The following PICALM variants were observed in gnomAD, a reference collection of about 807,000 sequenced individuals.
PICALM encodes the protein phosphatidylinositol-binding clathrin assembly protein.
PICALM carries 40 observed loss-of-function variants against 80.5 expected under a neutral mutation model. The observed-to-expected ratio is 0.50, with a 90% CI of 0.39 to 0.65. The LOEUF (loss-of-function observed/expected upper bound fraction) is 0.65. Ranked by LOEUF, PICALM falls within the 30% of genes least tolerant of loss-of-function variation. PICALM has a pLI of 0.00. For missense variants in PICALM, 676 were observed against 778.9 expected (o/e 0.87, Z 1.57); for synonymous variants, 288 against 260.3 (o/e 1.11, Z -1.02).
rs756016326 is a variant in PICALM at position 85,958,597 on chromosome 11, A to C, written c.*449T>G. The C allele has an allele frequency of 2.2e-5, 5 of 225,406 alleles. No individual in the cohort carries two copies. Among genetic ancestry groups the C allele is most frequent in the Non-Finnish European group, 3.5e-5 (4 of 113,440 alleles). The allele number at this position is 225,406 out of a possible 1,614,324, so 14.0% of individuals were successfully genotyped here. ...AGTTATTGTTTCTGTATTTGTGAGGACTGGAGAAAAGAAAGATAATGCATA... is the reference window on the plus strand; with the variant it reads ...AGTTATTGTTTCTGTATTTGTGAGGCCTGGAGAAAAGAAAGATAATGCATA... On this transcript the variant is annotated 3_prime_UTR_variant, in exon 20 of 20. Transcript: ENST00000393346.
At chr11:86,052,439 CCTTT>C (rs1325424629) in intron 1 of PICALM, among the ~76,000 whole-genome samples, 15 of 152,104 alleles carry the variant, frequency 9.9e-5, no homozygotes, top group Admixed American at 3.3e-4. Context: ...CTGAAAGTTT[CCTTT>C]CTTTTATAAA....
intron 12 of PICALM, among the ~76,000 whole-genome samples, chr11:85,991,583 A>T (rs1391769391): frequency 6.6e-6 from 1 of 152,294 alleles, no homozygotes; most frequent in African/African-American, 2.4e-5. Flanking sequence ...TTATGATTTT[A>T]AAAACAACAC....
intron 8 of PICALM, among the ~76,000 whole-genome samples, chr11:86,005,425 C>G (rs1352889634): frequency 6.6e-6 from 1 of 152,050 alleles, no homozygotes; most frequent in African/African-American, 2.4e-5. Context: ...GGAGGCTGGG[C>G]ACAGTGACTC....
rs1378955668 is a variant in PICALM, at chr11:85,976,528, G to C, written c.1839+95C>G. On this transcript the variant is annotated intron_variant, in intron 18 of 19. Coordinates refer to ENST00000393346, the MANE Select transcript of PICALM (RefSeq NM_007166.4). ...TAGGCACTAGGGCTAGGAGTATGAG[G>C]AGCACTAAATTCTTTTTTAGGTTAA... is the stretch of plus-strand genomic sequence containing the variant. The C allele has an allele frequency of 1.1e-5, 8 of 753,140 alleles. No individual in the cohort carries two copies. In the East Asian group the frequency reaches 1.9e-4, roughly 17 times the overall value. The allele number at this position is 753,140 out of a possible 1,614,324, so 46.7% of individuals were successfully genotyped here.
intron 19 of PICALM, among the ~76,000 whole-genome samples, chr11:85,973,328 AGT>A (rs2094169578): frequency 6.6e-6 from 1 of 152,208 alleles, no homozygotes; most frequent in African/African-American, 2.4e-5. Flanking sequence ...TATGAAATAC[AGT>A]CCACTATTTC....
intron 17 of PICALM, among the ~76,000 whole-genome samples, chr11:85,979,197 C>G (rs2135657996): frequency 6.6e-6 from 1 of 152,138 alleles, no homozygotes; most frequent in Non-Finnish European, 1.5e-5. Flanking sequence ...GTTTTAAAAT[C>G]AGTGATGATA....
At chr11:85,971,992 A>G (rs1274071841) in intron 19 of PICALM, among the ~76,000 whole-genome samples, 1 of 152,080 alleles carries the variant, frequency 6.6e-6, no homozygotes, top group East Asian at 1.9e-4. Context: ...CATGTTGGCC[A>G]GGCTGGTCTT....
intron 19 of PICALM, among the ~76,000 whole-genome samples, chr11:85,971,151 GCTT>G (rs2094099318): frequency 6.6e-6 from 1 of 152,148 alleles, no homozygotes; most frequent in African/African-American, 2.4e-5. Context: ...AGAGACCAAA[GCTT>G]CTTCAAGCCA....
Position 85,958,933 on chromosome 11 carries a change from G to C in PICALM, c.*113C>G. Reference sequence around the variant, plus strand: ...CTGAGTTACTTGTAGCATTCTAATGGAAGAAGAGAGTTTAAGAGATTTAAG... The same window carrying C: ...CTGAGTTACTTGTAGCATTCTAATGCAAGAAGAGAGTTTAAGAGATTTAAG... On this transcript the variant is annotated 3_prime_UTR_variant, in exon 20 of 20. Transcript: ENST00000393346. 1.4e-6 allele frequency: 1 copy of C among 711,664 alleles called. No individual in the cohort carries two copies. Among genetic ancestry groups the C allele is most frequent in the East Asian group, 2.6e-5 (1 of 39,088 alleles). 44.1% of individuals were successfully genotyped at this position (711,664 alleles called of 1,614,324 possible). A position where few individuals can be genotyped will look rare whatever the true frequency, so the allele number is the denominator to read the frequency against.
At chr11:85,982,753 T>A (rs562487576) in intron 14 of PICALM, among the ~76,000 whole-genome samples, 6 of 152,142 alleles carry the variant, frequency 3.9e-5, no homozygotes, top group Non-Finnish European at 7.4e-5. Flanking sequence ...AAGCAGAGAA[T>A]GTAAGAGTGA....
At chr11:86,049,102 G>A (rs2096130595) in intron 1 of PICALM, among the ~76,000 whole-genome samples, 1 of 152,068 alleles carries the variant, frequency 6.6e-6, no homozygotes, top group Admixed American at 6.5e-5. Context: ...AGACCAGCCT[G>A]ACCAACATGG....
At chr11:85,968,601 G>A (rs1441037210) in intron 19 of PICALM, among the ~76,000 whole-genome samples, 1 of 152,120 alleles carries the variant, frequency 6.6e-6, no homozygotes, top group Non-Finnish European at 1.5e-5. Flanking sequence ...TAACATAATA[G>A]CTGTATATTG....
At chr11:86,002,773 G>A (rs2095178071) in intron 9 of PICALM, among the ~76,000 whole-genome samples, 4 of 152,174 alleles carry the variant, frequency 2.6e-5, no homozygotes, top group Admixed American at 2.6e-4. Context: ...AGCACTTTGG[G>A]AGGCTGAGGT....
In PICALM at chr11:86,000,733, G is replaced by C; in HGVS notation, c.1064C>G (p.Thr355Arg). 1 of 1,612,974 alleles carries C rather than the reference G, an allele frequency of 6.2e-7. No individual in the cohort carries two copies. Among genetic ancestry groups the C allele is most frequent in the Non-Finnish European group, 8.5e-7 (1 of 1,179,768 alleles). The stretch of plus-strand genomic sequence containing the variant: ...GGTGGATACAGGAGAGGCTGCAGTT[G>C]TTAAAGAGGTATGAGGTTTCTTTGC... ...ELAKKPHTSL[T>R]TAASPVSTSA... The change falls in exon 11 of 20, where the codon ACA (threonine) becomes AGA (arginine). Residue 355 changes from threonine to arginine, a missense_variant. Physicochemically the swap from Thr to Arg is moderately conservative, Grantham distance 71 (BLOSUM62 -1). Around this residue, in one of 2 missense-constraint regions of PICALM, gnomAD observed 391 missense variants for 383.6 expected, o/e 1.02. Coordinates refer to ENST00000393346, the MANE Select transcript of PICALM (RefSeq NM_007166.4).
intron 17 of PICALM, among the ~76,000 whole-genome samples, chr11:85,977,589 T>TA: frequency 6.6e-6 from 1 of 152,270 alleles, no homozygotes; most frequent in East Asian, 1.9e-4. Flanking sequence ...AATATAACTT[T>TA]AAAAAAATAA....
chr11:86,016,369 T>C (rs926162237), intron 4 of PICALM, among the ~76,000 whole-genome samples: 4 of 152,220 alleles, frequency 2.6e-5, no homozygotes, highest in African/African-American at 9.6e-5. Context: ...CCTTTTAACC[T>C]TTCAGCTGCT....
chr11:86,008,252 C>T (rs942625300), intron 7 of PICALM, among the ~76,000 whole-genome samples: 3 of 152,172 alleles, frequency 2.0e-5, no homozygotes, highest in African/African-American at 7.2e-5. Context: ...TGTCCCGTGG[C>T]TGTGTTTCAT....
rs1047406739 is a variant in PICALM, at chr11:86,059,808, G to A, written c.130+8843C>T. The stretch of plus-strand genomic sequence containing the variant: ...CAAAGGCTAACGGTTTGGTAGTCAA[G>A]AACTTTTGGCACAATTGATACCTAA... On this transcript the variant is annotated intron_variant, in intron 1 of 19. Transcript: ENST00000393346. Among the ~76,000 whole-genome samples, 7 of 150,932 alleles carry A rather than the reference G, an allele frequency of 4.6e-5. No individual in the cohort carries two copies. In the East Asian group the frequency reaches 1.4e-3, roughly 29 times the overall value.
chr11:86,030,829 C>T (rs1284184472), intron 2 of PICALM, among the ~76,000 whole-genome samples: 1 of 152,116 alleles, frequency 6.6e-6, no homozygotes, highest in African/African-American at 2.4e-5. Context: ...AGACAAGAAT[C>T]TAAAGCTGGG....
Sources: gnomAD v4.1 joint callset for allele counts (sites outside exome capture counted in the v4.1 genomes callset) on GRCh38, gnomAD v4.1.1 for gene constraint, gnomAD v4.1.1 regional missense constraint, MANE v1.5 for transcripts, NCBI Gene and HGNC (gene_info 2026-07-23, HGNC 2026-07-21) for gene names.